PGBD1: variants seen among roughly 807,000 people sequenced by gnomAD.
PGBD1 encodes piggyBac transposable element-derived protein 1.
In PGBD1, 25 loss-of-function variants were observed where a neutral mutation model predicts 34.7. The ratio of observed to expected loss-of-function variants is 0.72; its 90% CI spans 0.52 to 1.00. The LOEUF (loss-of-function observed/expected upper bound fraction) is 1.00, where lower values mean the gene tolerates loss of function less well. Among genes scored for constraint, PGBD1 ranks in the 50% least tolerant of loss-of-function variants. The probability of loss-of-function intolerance (pLI) is 0.00; values close to 1 mark genes in which losing one functional copy is unlikely to be tolerated. For missense variants in PGBD1, 830 were observed against 959.4 expected, an observed-to-expected ratio of 0.87 and a Z score of 1.78; for synonymous variants, 292 against 335.7, an observed-to-expected ratio of 0.87 and a Z score of 1.42.
rs762237088 is a variant in PGBD1, at chr6:28,300,776, G to C, written c.922G>C (p.Val308Leu). ...TACTCCTATTGCTACTGAAAGGACAGTTGCACATTTGAACACTCTGAAGGA... is the reference window on the plus strand; with the variant it reads ...TACTCCTATTGCTACTGAAAGGACACTTGCACATTTGAACACTCTGAAGGA... ...CSTPIATERT[V>L]AHLNTLKDRH... The change falls in exon 7 of 7, where the codon GTT becomes CTT. Residue 308 changes from valine to leucine, a missense_variant. By Grantham distance (32) the Val-to-Leu change is conservative (BLOSUM62 1). Coordinates refer to ENST00000682144, the MANE Select transcript of PGBD1 (RefSeq NM_032507.4). The surrounding 1 kb of genome is among the most constrained non-coding windows in gnomAD (Gnocchi z 4.0). 6.2e-7 allele frequency: 1 copy of C among 1,614,100 alleles called. No homozygotes were observed. The highest frequency in any genetic ancestry group is 8.5e-7 in the Non-Finnish European group (1 of 1,180,026).
chr6:28,282,943 T>C (rs1762172527), intron 1 of PGBD1, among the ~76,000 whole-genome samples: 1 of 152,244 alleles, frequency 6.6e-6, no homozygotes, highest in Non-Finnish European at 1.5e-5. Context: ...TATGTATTGT[T>C]GCATCAAAAA....
intron 1 of PGBD1, among the ~76,000 whole-genome samples, 182 bp downstream of exon 1, chr6:28,282,100 G>A (rs1425997154): frequency 6.6e-6 from 1 of 152,174 alleles, no homozygotes; most frequent in African/African-American, 2.4e-5. Context: ...AGGGTTAGGG[G>A]TTGCCAGGGA....
intron 4 of PGBD1, among the ~76,000 whole-genome samples, chr6:28,288,099 A>AGCAATGGTAT: frequency 6.6e-6 from 1 of 152,236 alleles, no homozygotes; most frequent in East Asian, 1.9e-4. Flanking sequence ...AAAATCAAAG[A>AGCAATGGTAT]GCAATGGTAT....
At chr6:28,296,545 A>G (rs1355421952) in intron 4 of PGBD1, among the ~76,000 whole-genome samples, 1 of 152,186 alleles carries the variant, frequency 6.6e-6, no homozygotes, top group East Asian at 1.9e-4. Context: ...AGGACACTCA[A>G]AAGTCCTGCA....
Position 28,281,646 on chromosome 6 carries a change from A to G in PGBD1, c.-311A>G, listed in dbSNP as rs545617542. 2 of 367,246 alleles carry G rather than the reference A, an allele frequency of 5.4e-6. No homozygotes were observed. The highest frequency in any genetic ancestry group is 3.0e-4 in the South Asian group (2 of 6,768). 22.7% of individuals were successfully genotyped at this position (367,246 alleles called of 1,614,324 possible). On this transcript the variant is annotated 5_prime_UTR_variant, in exon 1 of 7. Transcript: ENST00000682144. ...GCCCAGCGGCCCGGGCTCTGGGGAA[A>G]CCGGCGCTCCCGACAGGGGAGCACC... is the stretch of plus-strand genomic sequence containing the variant.
chr6:28,284,164 A>G lies in PGBD1; in HGVS notation c.351A>G (p.Thr117=), dbSNP rs1246951088. 2 of 1,587,120 alleles carry G rather than the reference A, an allele frequency of 1.3e-6. No homozygotes were observed. The highest frequency in any genetic ancestry group is 1.7e-6 in the Non-Finnish European group (2 of 1,164,764). Residue 117 remains threonine (T), a synonymous_variant, in exon 2 of 7, where the codon ACA becomes ACG. Transcript: ENST00000682144. The part of the protein sequence containing the change: ...YPLESGEEAV[T]VLENLETGSG... ...TGGAGAGTGGAGAGGAGGCAGTGAC[A>G]GTGCTGGAGAATCTAGAGACAGGAA...
At chr6:28,287,500 C>T (rs11755032) in intron 4 of PGBD1, among the ~76,000 whole-genome samples, 12,293 of 152,188 alleles carry the variant, frequency 0.081, 716 homozygotes, top group African/African-American at 0.15. Context: ...TTTGAAGTCT[C>T]TGGTTTATCT....
chr6:28,292,501 G>T (rs1762491358), intron 4 of PGBD1, among the ~76,000 whole-genome samples: 1 of 151,846 alleles, frequency 6.6e-6, no homozygotes, highest in East Asian at 1.9e-4. Context: ...CCTGTATAAG[G>T]AAAACTAAAA....
intron 4 of PGBD1, among the ~76,000 whole-genome samples, chr6:28,292,148 C>T (rs1008038376): frequency 2.6e-5 from 4 of 152,050 alleles, no homozygotes; most frequent in South Asian, 2.1e-4. Flanking sequence ...TTAGTCTGTT[C>T]GCAGATGATA....
At position 28,301,394 on chromosome 6, in the gene PGBD1, G is replaced by C. The variant is rs1237788845; in HGVS notation, c.1540G>C (p.Asp514His). The C allele has an allele frequency of 6.2e-7, 1 of 1,614,088 alleles. No homozygotes were observed. Among genetic ancestry groups the C allele is most frequent in the Non-Finnish European group, 8.5e-7 (1 of 1,180,018 alleles). ...NLHFADNGHL[D>H]QKDKFTKLRP... ...GCACTTTGCAGATAATGGCCACCTA[G>C]ATCAAAAAGATAAGTTTACAAAGTT... The change falls in exon 7 of 7, where the codon GAT (aspartate) becomes CAT (histidine). Residue 514 changes from aspartate to histidine, a missense_variant. Asp to His is a moderately conservative substitution (Grantham distance 81). Coordinates refer to ENST00000682144, the MANE Select transcript of PGBD1 (RefSeq NM_032507.4).
chr6:28,289,555 A>G (rs1252056097), intron 4 of PGBD1, among the ~76,000 whole-genome samples: 1 of 152,260 alleles, frequency 6.6e-6, no homozygotes. Context: ...TTACTGTAAT[A>G]GTGACATACA....
intron 6 of PGBD1, among the ~76,000 whole-genome samples, chr6:28,299,742 C>T (rs1356387040): frequency 1.3e-5 from 2 of 152,162 alleles, no homozygotes; most frequent in Non-Finnish European, 2.9e-5. Context: ...GTGGCTCATG[C>T]TTGTAATCCC....
Position 28,296,943 on chromosome 6 carries a change from T to G in PGBD1, c.770T>G (p.Met257Arg). Residue 257 changes from methionine (M) to arginine (R), a missense_variant and splice_region_variant, in exon 5 of 7, where the codon ATG (methionine) becomes AGG (arginine). Met to Arg is a moderately conservative substitution (Grantham distance 91, BLOSUM62 -1). Coordinates refer to ENST00000682144, the MANE Select transcript of PGBD1 (RefSeq NM_032507.4). The part of the protein sequence containing the change: ...AQETVMSLSP[M>R]TEEIVTKDRL... Reference sequence around the variant, plus strand: ...GAGACAGTTATGAGCCTCAGTCCGATGAGTAAGGCCAGGCCTCTGGCTGGA... The same window carrying G: ...GAGACAGTTATGAGCCTCAGTCCGAGGAGTAAGGCCAGGCCTCTGGCTGGA... 1 of 1,614,028 alleles carries G rather than the reference T, an allele frequency of 6.2e-7. No homozygotes were observed. Among genetic ancestry groups the G allele is most frequent in the South Asian group, 1.1e-5 (1 of 91,078 alleles).
rs111824233 is a variant in PGBD1, at chr6:28,283,908, C to T, written c.95C>T (p.Ser32Leu). ...EDPTWEQVCN[S>L]QEGSSHTQEI... ...CCCACCTGGGAGCAGGTGTGCAACT[C>T]ACAGGAGGGCAGCTCCCACACTCAG... is the stretch of plus-strand genomic sequence containing the variant. Residue 32 changes from serine to leucine, a missense_variant, in exon 2 of 7, where the codon TCA (serine) becomes TTA (leucine). Coordinates refer to ENST00000682144, the MANE Select transcript of PGBD1 (RefSeq NM_032507.4). The T allele has an allele frequency of 4.2e-5, 67 of 1,614,020 alleles. No homozygotes were observed. Among genetic ancestry groups the T allele is most frequent in the Non-Finnish European group, 5.3e-5 (63 of 1,179,982 alleles).
At position 28,300,659 on chromosome 6, in the gene PGBD1, G is replaced by C. The variant is rs1024506912; in HGVS notation, c.870-65G>C. On this transcript the variant is annotated intron_variant, in intron 6 of 6. Transcript: ENST00000682144. This position sits in a 1 kb window ranked among gnomAD's most constrained non-coding sequence, Gnocchi z 4.0. ...GCCCCAAAAGATTTAAGCTTCAGCA[G>C]ATTTATCATGTGTGAGAGAATATGA... 4.0e-6 allele frequency: 6 copies of C among 1,518,854 alleles called. No individual in the cohort carries two copies. In the Admixed American group the frequency reaches 6.3e-5, roughly 16 times the overall value. 94.1% of individuals were successfully genotyped at this position (1,518,854 alleles called of 1,614,324 possible). A position where few individuals can be genotyped will look rare whatever the true frequency, so the allele number is the denominator to read the frequency against.
At chr6:28,290,354 C>G (rs550976665) in intron 4 of PGBD1, among the ~76,000 whole-genome samples, 1 of 152,306 alleles carries the variant, frequency 6.6e-6, no homozygotes, top group African/African-American at 2.4e-5. Context: ...CCTTGACCTC[C>G]CAAAGTTCTG....
chr6:28,301,977 A>G lies in PGBD1; in HGVS notation c.2123A>G (p.Asn708Ser), dbSNP rs900445818. 10 of 1,614,084 alleles carry G rather than the reference A, an allele frequency of 6.2e-6. No individual in the cohort carries two copies. The highest frequency in any genetic ancestry group is 2.2e-5 in the East Asian group (1 of 44,892). ...CSNAVGIEPV[N>S]EVSCCDADNE... Reference sequence around the variant, plus strand: ...AATGCTGTGGGCATAGAACCAGTCAATGAGGTAAGCTGTTGTGATGCTGAT... The same window carrying G: ...AATGCTGTGGGCATAGAACCAGTCAGTGAGGTAAGCTGTTGTGATGCTGAT... The change falls in exon 7 of 7, where the codon AAT (asparagine) becomes AGT (serine). Residue 708 changes from asparagine to serine, a missense_variant. This residue lies in a region of PGBD1 where 372 missense variants were observed against 427.9 expected (regional missense o/e 0.87). Transcript: ENST00000682144.
Position 28,296,737 on chromosome 6 carries a change from G to A in PGBD1, c.643-79G>A, listed in dbSNP as rs557379715. ...GGGGCTGGGACTACCGGTCTACAGC[G>A]TGGTATTCAACACCCTTCACAACTG... On this transcript the variant is annotated intron_variant, in intron 4 of 6. Transcript: ENST00000682144. 143 of 1,515,884 alleles carry A rather than the reference G, an allele frequency of 9.4e-5. 1 individual carries two copies. The South Asian group carries it at 1.4e-3, about 15-fold the overall frequency. 93.9% of individuals were successfully genotyped at this position (1,515,884 alleles called of 1,614,324 possible). A position where few individuals can be genotyped will look rare whatever the true frequency, so the allele number is the denominator to read the frequency against.
chr6:28,284,905 A>G (rs1384722773), intron 2 of PGBD1, among the ~76,000 whole-genome samples: 1 of 152,198 alleles, frequency 6.6e-6, no homozygotes, highest in Non-Finnish European at 1.5e-5. Flanking sequence ...TAAACTTACG[A>G]TACTATCATA....
Sources: allele counts gnomAD v4.1 joint callset (sites outside exome capture counted in the v4.1 genomes callset), GRCh38; gene constraint gnomAD v4.1.1; regional missense constraint gnomAD v4.1.1; non-coding constraint Gnocchi (gnomAD v3.1); transcripts MANE v1.5; gene names NCBI Gene and HGNC (gene_info 2026-07-23, HGNC 2026-07-21).